SGTB: variants seen among roughly 807,000 people sequenced by gnomAD.
The protein encoded by SGTB is small glutamine rich tetratricopeptide repeat co-chaperone beta.
A neutral mutation model predicts 43.9 loss-of-function variants in SGTB; 19 were observed. That is an observed-to-expected ratio of 0.43 (90% CI 0.30 to 0.63). SGTB has a LOEUF of 0.63. Among genes scored for constraint, SGTB ranks in the 30% least tolerant of loss-of-function variants. SGTB has a pLI of 0.12. For synonymous variants in SGTB, 116 were observed against 117.3 expected (o/e 0.99, Z 0.07); for missense variants, 304 against 358.9 (o/e 0.85, Z 1.24).
chr5:65,713,115 A>C (rs1295330579), intron 2 of SGTB, 51 bp from the exon 3 acceptor site: 2 of 1,398,474 alleles, frequency 1.4e-6, no homozygotes, highest in African/African-American at 4.0e-5. Flanking sequence ...TAAAAAAGAA[A>C]CAAGTTTTTT....
intron 4 of SGTB, among the ~76,000 whole-genome samples, chr5:65,706,351 G>A (rs1436551102): frequency 6.6e-6 from 1 of 152,118 alleles, no homozygotes; most frequent in Non-Finnish European, 1.5e-5. Flanking sequence ...TGATGTTGCT[G>A]TTGGGCTCTT....
intron 10 of SGTB, among the ~76,000 whole-genome samples, chr5:65,670,786 T>C (rs1035361609): frequency 6.6e-6 from 1 of 152,158 alleles, no homozygotes; most frequent in African/African-American, 2.4e-5. Context: ...TTAACACAAA[T>C]TGTAGTATGT....
intron 5 of SGTB, among the ~76,000 whole-genome samples, chr5:65,701,985 C>G (rs906095926): frequency 6.6e-6 from 1 of 152,222 alleles, no homozygotes; most frequent in African/African-American, 2.4e-5. Flanking sequence ...CTCAATTGCT[C>G]TCTAGCCACA....
intron 8 of SGTB, among the ~76,000 whole-genome samples, chr5:65,677,350 CAA>C (rs779583231): frequency 1.2e-4 from 12 of 98,136 alleles, no homozygotes; most frequent in Admixed American, 2.1e-4. Context: ...GCCTACCAAC[CAA>C]AAAAAAAAAA....
intron 9 of SGTB, 60 bp downstream of exon 9, chr5:65,672,184 T>C: frequency 6.2e-7 from 1 of 1,608,186 alleles, no homozygotes; most frequent in Non-Finnish European, 8.5e-7. Context: ...TGTGCTCAAA[T>C]TAGGAGCCTG....
chr5:65,722,290 C>G, upstream of SGTB: 2 of 1,135,452 alleles, frequency 1.8e-6, no homozygotes, highest in Non-Finnish European at 2.4e-6. Context: ...CTCGAGACTC[C>G]CGGGCGCCCA....
At chr5:65,688,345 G>C (rs956828228) in intron 5 of SGTB, among the ~76,000 whole-genome samples, 1 of 152,154 alleles carries the variant, frequency 6.6e-6, no homozygotes, top group Non-Finnish European at 1.5e-5. Context: ...ACTGACATCT[G>C]ATTCTGGAAA....
chr5:65,701,636 T>G (rs1561162166), intron 5 of SGTB, among the ~76,000 whole-genome samples: 1 of 149,068 alleles, frequency 6.7e-6, no homozygotes, highest in South Asian at 2.1e-4. Flanking sequence ...TTAAATTTTT[T>G]TTTTTTTTTT....
intron 6 of SGTB, 143 bp from the exon 7 acceptor site, chr5:65,680,937 G>T: frequency 1.2e-6 from 1 of 852,392 alleles, no homozygotes; most frequent in Non-Finnish European, 1.7e-6. Flanking sequence ...ATGGCTCACG[G>T]GAGCAAAATT....
intron 6 of SGTB, among the ~76,000 whole-genome samples, chr5:65,684,767 G>A (rs771869387): frequency 6.6e-6 from 1 of 152,046 alleles, no homozygotes; most frequent in Non-Finnish European, 1.5e-5. Flanking sequence ...TGGGCAGGCT[G>A]GTCTTAAACT....
intron 1 of SGTB, among the ~76,000 whole-genome samples, chr5:65,721,273 TG>T (rs2150727466): frequency 6.6e-6 from 1 of 152,350 alleles, no homozygotes; most frequent in Admixed American, 6.5e-5. Flanking sequence ...TACCCACTTT[TG>T]TAGGTTGAGA....
At chr5:65,671,411 ACAAT>A (rs1012504122) in intron 10 of SGTB, among the ~76,000 whole-genome samples, 23 of 152,156 alleles carry the variant, frequency 1.5e-4, no homozygotes, top group Non-Finnish European at 7.4e-5. Context: ...TGCTGACAAC[ACAAT>A]CAAGTAAAAT....
chr5:65,672,018 C>T lies in SGTB; in HGVS notation c.720-20G>A, dbSNP rs978079701. The stretch of plus-strand genomic sequence containing the variant: ...GACATTCTAGAGTACACAAGAAATA[C>T]ATCACTGGGATTGGTATATATTCTT... On this transcript the variant is annotated intron_variant, in intron 9 of 10. Transcript: ENST00000381007. 4.3e-6 allele frequency: 7 copies of T among 1,611,482 alleles called. No individual in the cohort carries two copies. Among genetic ancestry groups the T allele is most frequent in the African/African-American group, 2.7e-5 (2 of 74,840 alleles).
chr5:65,679,520 G>A (rs1382886056), intron 8 of SGTB, among the ~76,000 whole-genome samples: 1 of 152,162 alleles, frequency 6.6e-6, no homozygotes, highest in Non-Finnish European at 1.5e-5. Context: ...AGGAGGCTGA[G>A]GCAGGAGATT....
intron 2 of SGTB, among the ~76,000 whole-genome samples, chr5:65,719,603 T>A (rs897804917): frequency 1.4e-4 from 21 of 151,986 alleles, no homozygotes; most frequent in Admixed American, 3.3e-4. Flanking sequence ...TCTCAAAAAA[T>A]AAATAAATAA....
rs1013732735 is a variant in SGTB at position 65,665,960 on chromosome 5, T to C, written c.*4286A>G. The C allele has an allele frequency of 6.6e-6, 1 of 152,616 alleles. No homozygotes were observed. Among genetic ancestry groups the C allele is most frequent in the Non-Finnish European group, 1.5e-5 (1 of 67,994 alleles). The allele number at this position is 152,616 out of a possible 1,614,324, so 9.5% of individuals were successfully genotyped here. A position where few individuals can be genotyped will look rare whatever the true frequency, so the allele number is the denominator to read the frequency against. ...TTCAATGCATCATTATTTATTGCCA[T>C]AACAAATTGTTTGGTCCAAAATGAA... On this transcript the variant is annotated 3_prime_UTR_variant, in exon 11 of 11. Transcript: ENST00000381007.
intron 6 of SGTB, among the ~76,000 whole-genome samples, chr5:65,681,463 C>T (rs1278062285): frequency 6.6e-6 from 1 of 152,026 alleles, no homozygotes; most frequent in African/African-American, 2.4e-5. Context: ...TATATGGTGA[C>T]ATAGTATTAG....
intron 5 of SGTB, among the ~76,000 whole-genome samples, chr5:65,693,212 G>A (rs1182054148): frequency 6.6e-6 from 1 of 151,074 alleles, no homozygotes; most frequent in East Asian, 1.9e-4. Context: ...GGGAAGGGAA[G>A]GGAAGGGAAG....
intron 6 of SGTB, 94 bp downstream of exon 6, chr5:65,685,274 G>C (rs1364727990): frequency 9.7e-7 from 1 of 1,033,204 alleles, no homozygotes; most frequent in African/African-American, 1.6e-5. Context: ...AGTTCAGAGG[G>C]TAAAACATTA....
Sources: allele counts gnomAD v4.1 joint callset (sites outside exome capture counted in the v4.1 genomes callset), GRCh38; gene constraint gnomAD v4.1.1; transcripts MANE v1.5; gene names NCBI Gene and HGNC (gene_info 2026-07-23, HGNC 2026-07-21).